The following SPIRE1 variants were observed in gnomAD, a reference collection of about 807,000 sequenced individuals.
The protein encoded by SPIRE1 is spire type actin nucleation factor 1.
Under a neutral mutation model 94.1 loss-of-function variants are expected in SPIRE1, and 40 were observed. The observed-to-expected ratio is 0.43, with a 90% CI of 0.33 to 0.55. The LOEUF is 0.55. Ranked by LOEUF, SPIRE1 falls within the 20% of genes least tolerant of loss-of-function variation. The pLI is 0.06. For synonymous variants in SPIRE1, 376 were observed against 371.7 expected (o/e 1.01, Z -0.13); for missense variants, 838 against 975.2 (o/e 0.86, Z 1.87).
intron 1 of SPIRE1, among the ~76,000 whole-genome samples, chr18:12,641,409 G>A (rs964495807): frequency 2.0e-5 from 3 of 147,000 alleles, no homozygotes; most frequent in African/African-American, 5.0e-5. Flanking sequence ...TCGCTCTGTC[G>A]CCAGTCTAGA....
intron 1 of SPIRE1, among the ~76,000 whole-genome samples, chr18:12,642,428 T>C (rs2038112037): frequency 6.6e-6 from 1 of 152,140 alleles, no homozygotes; most frequent in East Asian, 1.9e-4. Context: ...ATGACAGCCT[T>C]GGATTGTTAT....
chr18:12,611,046 A>G (rs2037126466), intron 2 of SPIRE1, among the ~76,000 whole-genome samples: 1 of 151,600 alleles, frequency 6.6e-6, no homozygotes, highest in Non-Finnish European at 1.5e-5. Context: ...ACAATTCTCT[A>G]CTCTCCATTC....
At position 12,602,695 on chromosome 18, in the gene SPIRE1, G is replaced by A. The variant is rs149316779; in HGVS notation, c.372+32367C>T. On this transcript the variant is annotated intron_variant, in intron 2 of 16. Transcript: ENST00000409402. ...GCTGCAACCCAGATATAGGAGACAT[G>A]CAATCAGGTCTACTGTGTAAGGCTG... Among the ~76,000 whole-genome samples, 49 of 152,342 alleles carry A rather than the reference G, an allele frequency of 3.2e-4. 2 individuals are homozygous for A. In the East Asian group the frequency reaches 8.7e-3, roughly 27 times the overall value.
intron 1 of SPIRE1, among the ~76,000 whole-genome samples, chr18:12,647,844 AAG>A (rs1849970629): frequency 6.6e-6 from 1 of 152,208 alleles, no homozygotes; most frequent in Non-Finnish European, 1.5e-5. Flanking sequence ...TAAAAGAAAC[AAG>A]AGCTCCCTGG....
chr18:12,501,446 G>A (rs909576179), intron 6 of SPIRE1, among the ~76,000 whole-genome samples: 2 of 152,140 alleles, frequency 1.3e-5, no homozygotes, highest in African/African-American at 4.8e-5. Flanking sequence ...TACCAGTGGC[G>A]CGATCTCAGC....
chr18:12,654,005 A>T (rs1231054359), intron 1 of SPIRE1, among the ~76,000 whole-genome samples: 2 of 151,952 alleles, frequency 1.3e-5, no homozygotes, highest in African/African-American at 2.4e-5. Flanking sequence ...TAAACGTTGC[A>T]GATTGCTAAC....
At chr18:12,492,600 T>G (rs2033276253) in intron 8 of SPIRE1, among the ~76,000 whole-genome samples, 1 of 152,204 alleles carries the variant, frequency 6.6e-6, no homozygotes, top group South Asian at 2.1e-4. Context: ...ATCATCTATA[T>G]TTTTAAAATA....
intron 1 of SPIRE1, among the ~76,000 whole-genome samples, chr18:12,644,736 T>C (rs1417195575): frequency 6.6e-6 from 1 of 152,172 alleles, no homozygotes; most frequent in Admixed American, 6.5e-5. Context: ...CAAACATATA[T>C]TTAATATTGT....
At chr18:12,546,359 A>C (rs1354688196) in intron 3 of SPIRE1, among the ~76,000 whole-genome samples, 1 of 152,158 alleles carries the variant, frequency 6.6e-6, no homozygotes, top group Non-Finnish European at 1.5e-5. Context: ...CAGCTTGGAC[A>C]CAGTGGCTCA....
At chr18:12,454,631 G>C in intron 12 of SPIRE1, 148 bp from the exon 13 acceptor site, 1 of 664,738 alleles carries the variant, frequency 1.5e-6, no homozygotes, top group South Asian at 1.8e-5. Flanking sequence ...GGCTCCCTCT[G>C]GGGACCACAT....
chr18:12,506,756 CA>C, intron 5 of SPIRE1, 115 bp from the exon 6 acceptor site: 1 of 1,033,280 alleles, frequency 9.7e-7, no homozygotes, highest in Non-Finnish European at 1.4e-6. Flanking sequence ...AGTAAACCAA[CA>C]AAAAACTATT....
upstream of SPIRE1, chr18:12,658,307 G>A: frequency 2.3e-6 from 1 of 441,364 alleles, no homozygotes; most frequent in Non-Finnish European, 4.5e-6. Context: ...CGGTCGGGGG[G>A]CCCGGTCGCA....
At chr18:12,474,707 A>G (rs1008337290) in intron 10 of SPIRE1, among the ~76,000 whole-genome samples, 1 of 152,110 alleles carries the variant, frequency 6.6e-6, no homozygotes, top group African/African-American at 2.4e-5. Context: ...CTGTAATCCC[A>G]GCTACTCGGG....
intron 2 of SPIRE1, among the ~76,000 whole-genome samples, chr18:12,616,963 G>A (rs1238274892): frequency 5.9e-5 from 9 of 151,562 alleles, no homozygotes; most frequent in Admixed American, 4.0e-4. Flanking sequence ...GGGTTCAAGC[G>A]ATTCCCCTGC....
intron 7 of SPIRE1, among the ~76,000 whole-genome samples, chr18:12,493,471 A>G (rs1313326636): frequency 1.3e-5 from 2 of 152,018 alleles, no homozygotes; most frequent in Non-Finnish European, 1.5e-5. Flanking sequence ...CAGTGGTGCA[A>G]TCTCAGCTCA....
intron 8 of SPIRE1, among the ~76,000 whole-genome samples, chr18:12,491,262 C>T (rs949842059): frequency 7.3e-5 from 11 of 150,934 alleles, no homozygotes; most frequent in Non-Finnish European, 2.9e-5. Flanking sequence ...CAAGAAAATC[C>T]TAATGGTATT....
chr18:12,459,873 G>T, intron 12 of SPIRE1: 5 of 985,902 alleles, frequency 5.1e-6, no homozygotes, highest in Non-Finnish European at 6.0e-6. Flanking sequence ...TGTTTGTATG[G>T]TAGAAAAAAG....
At chr18:12,463,680 A>G (rs1183997401) in intron 11 of SPIRE1, among the ~76,000 whole-genome samples, 187 bp from the exon 12 acceptor site, 4 of 152,232 alleles carry the variant, frequency 2.6e-5, no homozygotes, top group African/African-American at 9.6e-5. Flanking sequence ...TTTGCAAAGT[A>G]AACTTGCTAC....
intron 2 of SPIRE1, among the ~76,000 whole-genome samples, chr18:12,576,343 A>T (rs2036094994): frequency 6.6e-6 from 1 of 151,880 alleles, no homozygotes; most frequent in Non-Finnish European, 1.5e-5. Flanking sequence ...CACCTCTGTA[A>T]TCCTGACACT....
Sources: gnomAD v4.1 joint callset for allele counts (sites outside exome capture counted in the v4.1 genomes callset) on GRCh38, gnomAD v4.1.1 for gene constraint, MANE v1.5 for transcripts, NCBI Gene and HGNC (gene_info 2026-07-23, HGNC 2026-07-21) for gene names.